The following PTPRA variants were observed in gnomAD, a reference collection of about 807,000 sequenced individuals.
The protein encoded by PTPRA is receptor-type tyrosine-protein phosphatase alpha.
In PTPRA, 25 loss-of-function variants were observed where a neutral mutation model predicts 104.8. The observed-to-expected ratio is 0.24, with a 90% CI of 0.17 to 0.33. PTPRA has a LOEUF of 0.33. Among genes scored for constraint, PTPRA ranks in the 10% least tolerant of loss-of-function variants. PTPRA has a pLI of 1.00. For synonymous variants in PTPRA, 323 were observed against 368.9 expected (o/e 0.88, Z 1.43); for missense variants, 765 against 1,015.3 (o/e 0.75, Z 3.35).
In PTPRA at chr20:2,888,547, T is replaced by A. The variant is rs146509733; in HGVS notation, c.-129+14787T>A. Among the ~76,000 whole-genome samples the A allele has an allele frequency of 2.6e-5, 4 of 151,928 alleles. No homozygotes were observed. In the East Asian group the frequency reaches 7.7e-4, roughly 29 times the overall value. Reference sequence around the variant, plus strand: ...AGCCTGGGCAGCAGAGTGAGACCCCTGTCTCAAAAAGAAAAAGCATTTAAA... The same window carrying A: ...AGCCTGGGCAGCAGAGTGAGACCCCAGTCTCAAAAAGAAAAAGCATTTAAA... On this transcript the variant is annotated intron_variant, in intron 1 of 23. Transcript: ENST00000399903.
At chr20:2,997,611 CTG>C (rs1424234722) in intron 9 of PTPRA, among the ~76,000 whole-genome samples, 3 of 152,308 alleles carry the variant, frequency 2.0e-5, no homozygotes, top group East Asian at 1.9e-4. Flanking sequence ...TAAAAGGAGA[CTG>C]TAGCATTTCC....
chr20:3,021,286 A>T, intron 13 of PTPRA, 23 bp from the exon 14 acceptor site: 1 of 1,613,326 alleles, frequency 6.2e-7, no homozygotes, highest in Non-Finnish European at 8.5e-7. Context: ...AAGGTCAGGG[A>T]ATGTATGTCT....
At chr20:2,976,547 G>A (rs964276988) in intron 6 of PTPRA, among the ~76,000 whole-genome samples, 33 of 152,264 alleles carry the variant, frequency 2.2e-4, no homozygotes, top group African/African-American at 7.7e-4. Flanking sequence ...TGTGACATAT[G>A]TAAAGTCTAT....
intron 2 of PTPRA, among the ~76,000 whole-genome samples, chr20:2,939,106 T>C (rs947649961): frequency 5.9e-5 from 9 of 152,340 alleles, no homozygotes; most frequent in Admixed American, 2.0e-4. Context: ...TTTACTCTTA[T>C]GGTCTGTGCT....
At chr20:3,032,592 C>T (rs1392257371) in intron 20 of PTPRA, among the ~76,000 whole-genome samples, 7 of 151,914 alleles carry the variant, frequency 4.6e-5, no homozygotes, top group East Asian at 3.9e-4. Context: ...ATGGCAAAAC[C>T]CCATCTCTAC....
chr20:2,914,082 T>C (rs1194096294), intron 1 of PTPRA, among the ~76,000 whole-genome samples: 1 of 152,242 alleles, frequency 6.6e-6, no homozygotes, highest in Non-Finnish European at 1.5e-5. Context: ...TAGTGTACTT[T>C]GGTACTTTGA....
chr20:2,929,193 C>A lies in PTPRA; in HGVS notation c.-50+5908C>A, dbSNP rs2060418963. On this transcript the variant is annotated intron_variant, in intron 2 of 23. Coordinates refer to ENST00000399903, the MANE Select transcript of PTPRA (RefSeq NM_001385305.1). The stretch of plus-strand genomic sequence containing the variant: ...TCTTGAACTCCTAGGCTCAAGCGAT[C>A]CACCTGCCTCAGCCTCCCAAAGTGC... Among the ~76,000 whole-genome samples the A allele has an allele frequency of 2.6e-5, 4 of 151,900 alleles. No homozygotes were observed. In the South Asian group the frequency reaches 8.3e-4, roughly 32 times the overall value.
At chr20:3,001,995 C>G (rs1200361160) in intron 9 of PTPRA, among the ~76,000 whole-genome samples, 1 of 152,038 alleles carries the variant, frequency 6.6e-6, no homozygotes, top group Non-Finnish European at 1.5e-5. Context: ...AAAAATTAGC[C>G]AGGCATGGTG....
intron 1 of PTPRA, among the ~76,000 whole-genome samples, chr20:2,880,073 T>C (rs997665079): frequency 8.5e-5 from 13 of 152,206 alleles, no homozygotes; most frequent in Non-Finnish European, 1.9e-4. Context: ...TTGAGGGTCC[T>C]GTATGGCATG....
the PTPRA span, chr20:2,866,725 A>G: frequency 8.4e-7 from 1 of 1,189,884 alleles, no homozygotes; most frequent in Non-Finnish European, 1.2e-6. Context: ...TAAAGTTGGA[A>G]CACTTCACAG....
intron 13 of PTPRA, among the ~76,000 whole-genome samples, chr20:3,019,858 G>C (rs568215425): frequency 2.6e-5 from 4 of 152,226 alleles, no homozygotes; most frequent in African/African-American, 7.2e-5. Flanking sequence ...GATCACTTGC[G>C]GTTAGGAGCT....
chr20:2,968,532 A>G (rs2062031014), intron 5 of PTPRA, among the ~76,000 whole-genome samples: 1 of 133,338 alleles, frequency 7.5e-6, no homozygotes, highest in Non-Finnish European at 1.5e-5. Context: ...ATATTTGGAT[A>G]TTGGATGTAT....
At chr20:2,983,856 A>G (rs34963539) in intron 6 of PTPRA, among the ~76,000 whole-genome samples, 1 of 152,102 alleles carries the variant, frequency 6.6e-6, no homozygotes, top group Non-Finnish European at 1.5e-5. Context: ...AAGCAAAGCA[A>G]CTGTGGGAAT....
chr20:3,024,673 G>A (rs754161407), intron 17 of PTPRA, 52 bp downstream of exon 17: 70 of 1,598,906 alleles, frequency 4.4e-5, no homozygotes, highest in Non-Finnish European at 5.8e-5. Flanking sequence ...TTGTAATCTG[G>A]GGAACATGGG....
intron 2 of PTPRA, among the ~76,000 whole-genome samples, chr20:2,938,549 T>C (rs966351143): frequency 2.6e-5 from 4 of 152,132 alleles, no homozygotes. Context: ...TCTCTTACTC[T>C]TGGGACCCTG....
chr20:2,998,812 A>T lies in PTPRA; in HGVS notation c.739-6244A>T, dbSNP rs1568688057. Among the ~76,000 whole-genome samples the T allele has an allele frequency of 2.0e-5, 3 of 152,142 alleles. No individual in the cohort carries two copies. The South Asian group carries it at 6.2e-4, about 31-fold the overall frequency. On this transcript the variant is annotated intron_variant, in intron 9 of 23. Transcript: ENST00000399903. ...AGGATTGCAAAGGAAGGGACAAAAT[A>T]TAAATTTTTCACAGACCAAATACTG... is the stretch of plus-strand genomic sequence containing the variant.
At chr20:2,890,062 AT>A (rs11359203) in intron 1 of PTPRA, among the ~76,000 whole-genome samples, 83,187 of 134,572 alleles carry the variant, frequency 0.62, 26,215 homozygotes, top group African/African-American at 0.84. Context: ...TAATTTTTTG[AT>A]TTTTTTTTTT....
chr20:3,005,125 C>A lies in PTPRA; in HGVS notation c.808C>A (p.Arg270=). 1.2e-6 allele frequency: 2 copies of A among 1,606,082 alleles called. No homozygotes were observed. Among genetic ancestry groups the A allele is most frequent in the Non-Finnish European group, 1.7e-6 (2 of 1,172,704 alleles). Reference sequence around the variant, plus strand: ...CAAGGAGGAAAACAAGGAAAAAAATCGATATGTAAACATCTTGCCTTGTGA... The same window carrying A: ...CAAGGAGGAAAACAAGGAAAAAAATAGATATGTAAACATCTTGCCTTGTGA... ...ASKEENKEKN[R]YVNILPYDHS... is the part of the protein sequence containing the mutation. The change falls in exon 10 of 24, where the codon CGA becomes AGA. Residue 270 remains arginine, a synonymous_variant. Coordinates refer to ENST00000399903, the MANE Select transcript of PTPRA (RefSeq NM_001385305.1).
rs2064934088 is a variant in PTPRA, at chr20:3,022,624, C to CCCT, written c.1329-62_1329-60dup. 3.1e-6 allele frequency: 5 copies of CCCT among 1,603,194 alleles called. No homozygotes were observed. The highest frequency in any genetic ancestry group is 4.3e-6 in the Non-Finnish European group (5 of 1,172,902). On this transcript the variant is annotated intron_variant, in intron 15 of 23. Transcript: ENST00000399903. The surrounding 1 kb of genome is among the most constrained non-coding windows in gnomAD (Gnocchi z 4.6). ...AAGGAAGAGCCCCTGCCTGTGTTGCCCCTCCCTATCTGCTCCCACAAGGCA... is the reference window on the plus strand; with the variant it reads ...AAGGAAGAGCCCCTGCCTGTGTTGCCCCTCCTCCCTATCTGCTCCCACAAGGCA...
Sources: allele counts gnomAD v4.1 joint callset (sites outside exome capture counted in the v4.1 genomes callset), GRCh38; gene constraint gnomAD v4.1.1; non-coding constraint Gnocchi (gnomAD v3.1); transcripts MANE v1.5; gene names NCBI Gene and HGNC (gene_info 2026-07-23, HGNC 2026-07-21).